Variants in CD82 observed in about 807,000 individuals in gnomAD.
The protein encoded by CD82 is CD82 molecule, also known as CD82 antigen.
CD82 carries 36 observed loss-of-function variants against 37.4 expected under a neutral mutation model. That is an observed-to-expected ratio of 0.96 (90% CI 0.74 to 1.27). CD82 has a LOEUF of 1.27. Ranked by LOEUF, CD82 falls within the 50% of genes most tolerant of loss-of-function variation. The probability of loss-of-function intolerance (pLI) is 0.00; values close to 1 mark genes in which losing one functional copy is unlikely to be tolerated. For synonymous variants in CD82, 158 were observed against 137.4 expected, an observed-to-expected ratio of 1.15 and a Z score of -1.05; for missense variants, 340 against 347.0, an observed-to-expected ratio of 0.98 and a Z score of 0.16.
intron 1 of CD82, chr11:44,587,251 T>A: frequency 2.9e-6 from 1 of 345,398 alleles, no homozygotes; most frequent in Non-Finnish European, 5.8e-6. Context: ...GAAACCCTTT[T>A]GCAAAGGCCC....
At position 44,583,722 on chromosome 11, in the gene CD82, T is replaced by C. The variant is rs139665648; in HGVS notation, c.-102-3753T>C. ...CTGAACCTCTGAGTCTCAGTCCCTC[T>C]ATCTGTTAAATGGGGATAATAATCT... On this transcript the variant is annotated intron_variant, in intron 1 of 9. Transcript: ENST00000227155. Among the ~76,000 whole-genome samples the C allele has an allele frequency of 1.7e-3, 259 of 152,358 alleles. 1 individual carries two copies. Among genetic ancestry groups the C allele is most frequent in the African/African-American group, 5.9e-3 (246 of 41,582 alleles).
Position 44,615,374 on chromosome 11 carries a change from G to C in CD82, c.438+1G>C, listed in dbSNP as rs1449221679. 6.3e-7 allele frequency: 1 copy of C among 1,598,952 alleles called. No individual in the cohort carries two copies. Among genetic ancestry groups the C allele is most frequent in the South Asian group, 1.1e-5 (1 of 90,756 alleles). ...TGCCTGGGACTACGTGCAGGCTCAG[G>C]TGAGGTGGGGCGGGGCTGCAGGAGG... On this transcript the variant is annotated splice_donor_variant, in intron 7 of 9. Coordinates refer to ENST00000227155, the MANE Select transcript of CD82 (RefSeq NM_002231.4). LOFTEE classifies it high-confidence loss of function.
In CD82 at chr11:44,619,342, C is replaced by T. The variant is rs983485161; in HGVS notation, c.*216C>T. ...GCTGTTCTGTGGTTCCTCTGCTCAC[C>T]GCCCATCAGGGTTCTCTTAGCAACT... On this transcript the variant is annotated 3_prime_UTR_variant, in exon 10 of 10. Transcript: ENST00000227155. 3.2e-5 allele frequency: 18 copies of T among 566,168 alleles called. No homozygotes were observed. The highest frequency in any genetic ancestry group is 1.2e-4 in the Admixed American group (4 of 32,260). The allele number at this position is 566,168 out of a possible 1,614,324, so 35.1% of individuals were successfully genotyped here.
chr11:44,619,137 A>G lies in CD82; in HGVS notation c.*11A>G. On this transcript the variant is annotated 3_prime_UTR_variant, in exon 10 of 10. Coordinates refer to ENST00000227155, the MANE Select transcript of CD82 (RefSeq NM_002231.4). Reference sequence around the variant, plus strand: ...GTCCCCAAGTACTGAGGCAGCTGCTATCCCCATCTCCCTGCCTGGCCCCCA... The same window carrying G: ...GTCCCCAAGTACTGAGGCAGCTGCTGTCCCCATCTCCCTGCCTGGCCCCCA... The G allele has an allele frequency of 3.1e-6, 5 of 1,609,092 alleles. No individual in the cohort carries two copies. Among genetic ancestry groups the G allele is most frequent in the Non-Finnish European group, 4.3e-6 (5 of 1,175,696 alleles).
chr11:44,609,943 C>T (rs1230512377), intron 6 of CD82, among the ~76,000 whole-genome samples: 1 of 152,182 alleles, frequency 6.6e-6, no homozygotes, highest in Non-Finnish European at 1.5e-5. Context: ...TGCAGCTGGA[C>T]TTGCAGAAAA....
intron 6 of CD82, among the ~76,000 whole-genome samples, chr11:44,612,700 T>C (rs1853502736): frequency 1.4e-5 from 2 of 139,216 alleles, no homozygotes; most frequent in African/African-American, 5.4e-5. Context: ...TGGCGTGATC[T>C]CGGCTCACTG....
At position 44,615,314 on chromosome 11, in the gene CD82, G is replaced by A. The variant is rs764806308; in HGVS notation, c.379G>A (p.Asp127Asn). 6 of 1,613,832 alleles carry A rather than the reference G, an allele frequency of 3.7e-6. No individual in the cohort carries two copies. In the South Asian group the frequency reaches 6.6e-5, roughly 18 times the overall value. Residue 127 changes from aspartate to asparagine, a missense_variant, in exon 7 of 10, where the codon GAC becomes AAC. Coordinates refer to ENST00000227155, the MANE Select transcript of CD82 (RefSeq NM_002231.4). ...CGGCATCGTGACTGAGCTCATTCGA[G>A]ACTACAACAGCAGTCGCGAGGACAG... ...MGGIVTELIR[D>N]YNSSREDSLQ...
At chr11:44,575,601 G>A (rs75545097) in intron 1 of CD82, among the ~76,000 whole-genome samples, 4,995 of 152,284 alleles carry the variant, frequency 0.033, 115 homozygotes, top group Admixed American at 0.06. Flanking sequence ...TGCTGGCCCT[G>A]GACCACACTT....
chr11:44,594,995 G>A, intron 3 of CD82: 1 of 492,188 alleles, frequency 2.0e-6, no homozygotes, highest in Non-Finnish European at 3.7e-6. Context: ...GGTGGGTATG[G>A]GGAAGGAGAG....
At chr11:44,596,731 C>A in intron 3 of CD82, 1 of 367,362 alleles carries the variant, frequency 2.7e-6, no homozygotes, top group Non-Finnish European at 5.4e-6. Context: ...AAGAGGAGGG[C>A]TGGAGGAGGC....
At chr11:44,594,851 G>A in intron 3 of CD82, 126 bp downstream of exon 3, 1 of 761,182 alleles carries the variant, frequency 1.3e-6, no homozygotes, top group Middle Eastern at 2.4e-4. Context: ...AGGGACTGAG[G>A]ACGAACTATC....
chr11:44,605,257 G>T, intron 5 of CD82, 75 bp downstream of exon 5: 1 of 1,608,058 alleles, frequency 6.2e-7, no homozygotes, highest in Non-Finnish European at 8.5e-7. Flanking sequence ...CGCGGCGCTG[G>T]CCGTAACATC....
intron 7 of CD82, 147 bp downstream of exon 7, chr11:44,615,520 G>A: frequency 1.6e-6 from 1 of 630,418 alleles, no homozygotes; most frequent in Non-Finnish European, 2.9e-6. Context: ...TGGGGGCAGG[G>A]CACCCCAGTT....
chr11:44,574,751 C>T (rs558744670), intron 1 of CD82, among the ~76,000 whole-genome samples: 1 of 152,158 alleles, frequency 6.6e-6, no homozygotes, highest in African/African-American at 2.4e-5. Context: ...ACCACACAAA[C>T]CACTTCCTGC....
chr11:44,607,831 G>A (rs1308135438), intron 6 of CD82, among the ~76,000 whole-genome samples: 1 of 152,146 alleles, frequency 6.6e-6, no homozygotes, highest in African/African-American at 2.4e-5. Flanking sequence ...CGCCGGCTGG[G>A]TAACTCTGCT....
chr11:44,612,553 A>T lies in CD82; in HGVS notation c.337-2719A>T, dbSNP rs1188703784. 1.1e-4 allele frequency among the ~76,000 whole-genome samples: 15 copies of T among 135,520 alleles called. No homozygotes were observed. In the South Asian group the frequency reaches 1.7e-3, roughly 16 times the overall value. 88.9% of individuals were successfully genotyped at this position (135,520 alleles called of 152,430 possible). A position where few individuals can be genotyped will look rare whatever the true frequency, so the allele number is the denominator to read the frequency against. ...ATAAGGGCTTTTTTTTTTTTTTTTTAAATATCATGCTGAGAGCTTTATTGA... is the reference window on the plus strand; with the variant it reads ...ATAAGGGCTTTTTTTTTTTTTTTTTTAATATCATGCTGAGAGCTTTATTGA... On this transcript the variant is annotated intron_variant, in intron 6 of 9. Transcript: ENST00000227155.
intron 1 of CD82, among the ~76,000 whole-genome samples, chr11:44,575,760 C>T (rs956608791): frequency 2.6e-5 from 4 of 152,106 alleles, no homozygotes; most frequent in Admixed American, 6.5e-5. Context: ...ACCCCCACCT[C>T]ACCACCCCTT....
intron 1 of CD82, among the ~76,000 whole-genome samples, chr11:44,567,619 G>A (rs527820264): frequency 6.6e-6 from 1 of 152,184 alleles, no homozygotes; most frequent in African/African-American, 2.4e-5. Context: ...GGTAGGTGGT[G>A]CCTGAGGTGG....
chr11:44,574,141 A>G (rs548243338), intron 1 of CD82, among the ~76,000 whole-genome samples: 5 of 152,196 alleles, frequency 3.3e-5, no homozygotes, highest in African/African-American at 1.2e-4. Context: ...TCCCCAGACT[A>G]TCTGAACCCA....
Sources: allele counts gnomAD v4.1 joint callset (sites outside exome capture counted in the v4.1 genomes callset), GRCh38; gene constraint gnomAD v4.1.1; transcripts MANE v1.5; gene names NCBI Gene and HGNC (gene_info 2026-07-23, HGNC 2026-07-21).